The following MLLT10 variants were observed in gnomAD, a reference collection of about 807,000 sequenced individuals.
MLLT10 encodes the protein protein AF-10.
Under a neutral mutation model 129.1 loss-of-function variants are expected in MLLT10, and 30 were observed. The observed-to-expected ratio is 0.23, with a 90% CI of 0.17 to 0.32. The LOEUF is 0.32. MLLT10 is among the 10% of genes least tolerant of loss of function. The pLI, the probability that MLLT10 is intolerant of heterozygous loss-of-function variation, is 1.00. For missense variants in MLLT10, 1,119 were observed against 1,268.3 expected, an observed-to-expected ratio of 0.88 and a Z score of 1.79; for synonymous variants, 490 against 446.4, an observed-to-expected ratio of 1.10 and a Z score of -1.23.
At chr10:21,583,565 A>G (rs1181811023) in intron 3 of MLLT10, among the ~76,000 whole-genome samples, 1 of 152,212 alleles carries the variant, frequency 6.6e-6, no homozygotes, top group African/African-American at 2.4e-5. Context: ...TGTAGGCTGT[A>G]CAAGTATACC....
chr10:21,551,417 T>G (rs184952124), intron 3 of MLLT10, among the ~76,000 whole-genome samples: 76 of 151,794 alleles, frequency 5.0e-4, no homozygotes, highest in African/African-American at 1.8e-3. Context: ...TTTTTTTTTG[T>G]TACTGCTGAC....
chr10:21,549,155 G>T (rs1001565871), intron 3 of MLLT10, among the ~76,000 whole-genome samples: 9 of 129,936 alleles, frequency 6.9e-5, no homozygotes, highest in Non-Finnish European at 1.1e-4. Flanking sequence ...CTTGAGTCTT[G>T]CTCTGTCACC....
intron 11 of MLLT10, among the ~76,000 whole-genome samples, chr10:21,678,839 C>T (rs1219188989): frequency 6.6e-6 from 1 of 152,164 alleles, no homozygotes; most frequent in Non-Finnish European, 1.5e-5. Flanking sequence ...GTTACTCTCT[C>T]ATTTGATCCT....
intron 21 of MLLT10, among the ~76,000 whole-genome samples, chr10:21,737,779 CTTCA>C (rs1362418553): frequency 6.6e-6 from 1 of 152,100 alleles, no homozygotes; most frequent in Non-Finnish European, 1.5e-5. Context: ...CCCTAGCACT[CTTCA>C]TTCAGTTGGG....
chr10:21,551,937 G>A, intron 3 of MLLT10: 1 of 287,928 alleles, frequency 3.5e-6, no homozygotes, highest in South Asian at 2.8e-5. Context: ...TGGGATTACA[G>A]GCACACACCA....
intron 15 of MLLT10, among the ~76,000 whole-genome samples, chr10:21,726,681 C>CTTTTTTTTTTT (rs35036202): frequency 4.6e-4 from 40 of 87,604 alleles, no homozygotes; most frequent in African/African-American, 1.1e-3. Flanking sequence ...TAGCAATGTC[C>CTTTTTTTTTTT]TTTTTTTTTT....
At chr10:21,693,237 T>G (rs1013790280) in intron 13 of MLLT10, among the ~76,000 whole-genome samples, 3 of 152,208 alleles carry the variant, frequency 2.0e-5, no homozygotes, top group Non-Finnish European at 4.4e-5. Context: ...CAGCTGACAT[T>G]TAAATTGCTT....
intron 4 of MLLT10, among the ~76,000 whole-genome samples, chr10:21,589,281 T>C (rs897089323): frequency 2.6e-4 from 39 of 152,062 alleles, no homozygotes; most frequent in African/African-American, 9.4e-4. Context: ...TCATGATGTC[T>C]GTATTTTGAG....
At chr10:21,544,901 T>G (rs922319331) in intron 3 of MLLT10, among the ~76,000 whole-genome samples, 1 of 152,242 alleles carries the variant, frequency 6.6e-6, no homozygotes, top group Admixed American at 6.5e-5. Flanking sequence ...ATCCCAGGAC[T>G]TCGGGAGGCC....
At chr10:21,584,764 A>G (rs779203582) in intron 3 of MLLT10, among the ~76,000 whole-genome samples, 16 of 151,778 alleles carry the variant, frequency 1.1e-4, no homozygotes, top group Non-Finnish European at 1.5e-5. Flanking sequence ...GTATATATAT[A>G]TAAAGTATGT....
At chr10:21,648,214 T>C (rs1020942685) in intron 8 of MLLT10, among the ~76,000 whole-genome samples, 2 of 152,250 alleles carry the variant, frequency 1.3e-5, no homozygotes, top group African/African-American at 4.8e-5. Flanking sequence ...ATTAGACTTC[T>C]TTGATTCACA....
chr10:21,549,822 A>G (rs2036697224), intron 3 of MLLT10, among the ~76,000 whole-genome samples: 1 of 151,850 alleles, frequency 6.6e-6, no homozygotes, highest in Admixed American at 6.6e-5. Flanking sequence ...TATTTTTTGT[A>G]GAAATGGGGT....
At chr10:21,564,261 A>C (rs752852351) in intron 3 of MLLT10, among the ~76,000 whole-genome samples, 7 of 152,036 alleles carry the variant, frequency 4.6e-5, no homozygotes, top group Admixed American at 2.6e-4. Flanking sequence ...TGTTTTTAAA[A>C]ATGTATTTTT....
chr10:21,734,292 A>C (rs2058183885), intron 20 of MLLT10, among the ~76,000 whole-genome samples, 163 bp downstream of exon 20: 1 of 152,164 alleles, frequency 6.6e-6, no homozygotes, highest in Admixed American at 6.5e-5. Context: ...TTTGAAACTT[A>C]AGTAATTTAG....
chr10:21,739,353 C>A lies in MLLT10; in HGVS notation c.2956-677C>A, dbSNP rs1272755653. Among the ~76,000 whole-genome samples, 3 of 152,142 alleles carry A rather than the reference C, an allele frequency of 2.0e-5. No individual in the cohort carries two copies. The East Asian group carries it at 5.8e-4, about 29-fold the overall frequency. On this transcript the variant is annotated intron_variant, in intron 21 of 22. Transcript: ENST00000307729. ...GCCCCCATATCCACCCAGCGAATTC[C>A]CTCTTCTCCTCCAAATCTTCATCCA...
intron 13 of MLLT10, among the ~76,000 whole-genome samples, chr10:21,692,321 A>ATATTATTATTAT (rs149552027): frequency 3.3e-5 from 5 of 150,620 alleles, no homozygotes; most frequent in African/African-American, 1.2e-4. Flanking sequence ...CACAATGGTT[A>ATATTATTATTAT]TATTATTATT....
At chr10:21,724,801 A>G (rs755302866) in intron 14 of MLLT10, among the ~76,000 whole-genome samples, 1 of 152,232 alleles carries the variant, frequency 6.6e-6, no homozygotes, top group African/African-American at 2.4e-5. Context: ...GGATTACGCA[A>G]TACTTTGGCC....
rs181603995 is a variant in MLLT10, at chr10:21,676,555, T to C, written c.1621+2636T>C. ...GGCCAACATGGTGAAACCCGGTCTCTACTAAAAATAGAAAAATTAGCTAGA... is the reference window on the plus strand; with the variant it reads ...GGCCAACATGGTGAAACCCGGTCTCCACTAAAAATAGAAAAATTAGCTAGA... On this transcript the variant is annotated intron_variant, in intron 11 of 22. Coordinates refer to ENST00000307729, the MANE Select transcript of MLLT10 (RefSeq NM_001195626.3). Among the ~76,000 whole-genome samples the C allele has an allele frequency of 3.8e-3, 572 of 151,378 alleles. 5 individuals are homozygous for C. The highest frequency in any genetic ancestry group is 0.013 in the African/African-American group (540 of 41,282).
chr10:21,691,721 A>G (rs747446914), intron 13 of MLLT10, among the ~76,000 whole-genome samples: 4 of 152,142 alleles, frequency 2.6e-5, no homozygotes, highest in Non-Finnish European at 5.9e-5. Context: ...GAAATTTTAT[A>G]TATTCAGCTA....
Sources: gnomAD v4.1 joint callset for allele counts (sites outside exome capture counted in the v4.1 genomes callset) on GRCh38, gnomAD v4.1.1 for gene constraint, MANE v1.5 for transcripts, NCBI Gene and HGNC (gene_info 2026-07-23, HGNC 2026-07-21) for gene names.